CCDC170: variants seen among roughly 807,000 people sequenced by gnomAD.
The protein encoded by CCDC170 is coiled-coil domain-containing protein 170.
In CCDC170, 69 loss-of-function variants were observed where a neutral mutation model predicts 72.6. That is an observed-to-expected ratio of 0.95 (90% CI 0.78 to 1.16). The LOEUF (loss-of-function observed/expected upper bound fraction) is 1.16. CCDC170 is among the 50% of genes most tolerant of loss of function. The pLI is 0.00. For missense variants in CCDC170, 852 were observed against 832.5 expected (o/e 1.02, Z -0.29); for synonymous variants, 300 against 303.9 (o/e 0.99, Z 0.13).
intron 5 of CCDC170, among the ~76,000 whole-genome samples, chr6:151,559,089 T>C (rs1583026166): frequency 6.8e-6 from 1 of 147,720 alleles, no homozygotes; most frequent in Non-Finnish European, 1.5e-5. Context: ...CTTGGCTCAC[T>C]GCAACTTCCA....
intron 1 of CCDC170, among the ~76,000 whole-genome samples, chr6:151,513,919 CAAAAAA>C (rs58387477): frequency 0.022 from 1,141 of 51,204 alleles, 20 homozygotes; most frequent in African/African-American, 0.072. Flanking sequence ...GACCCTGTCT[CAAAAAA>C]AAAAAAAAAA....
chr6:151,532,136 A>T (rs890729605), intron 1 of CCDC170, among the ~76,000 whole-genome samples: 1 of 149,892 alleles, frequency 6.7e-6, no homozygotes, highest in Admixed American at 6.8e-5. Flanking sequence ...GCATGTTTAC[A>T]GTGCAAAACC....
intron 7 of CCDC170, among the ~76,000 whole-genome samples, chr6:151,591,643 C>T (rs141104106): frequency 1.1e-3 from 162 of 151,982 alleles, no homozygotes; most frequent in African/African-American, 3.6e-3. Context: ...TACAGGTGCC[C>T]GCCACCACGC....
chr6:151,497,952 CAAAAAA>C (rs59201906), intron 1 of CCDC170, among the ~76,000 whole-genome samples: 5 of 58,050 alleles, frequency 8.6e-5, no homozygotes, highest in African/African-American at 3.1e-4. Context: ...CACACCATCT[CAAAAAA>C]AAAAAAAAAA....
chr6:151,505,978 G>A (rs1028353837), intron 1 of CCDC170, among the ~76,000 whole-genome samples: 1 of 152,172 alleles, frequency 6.6e-6, no homozygotes, highest in Admixed American at 6.5e-5. Context: ...GTGTGTGCCT[G>A]TAGTTCCAGC....
In CCDC170 at chr6:151,536,299, T is replaced by C; in HGVS notation, c.58-19T>C. 6.2e-7 allele frequency: 1 copy of C among 1,612,026 alleles called. No individual in the cohort carries two copies. Among genetic ancestry groups the C allele is most frequent in the Non-Finnish European group, 8.5e-7 (1 of 1,178,196 alleles). On this transcript the variant is annotated intron_variant, in intron 1 of 10. Coordinates refer to ENST00000239374, the MANE Select transcript of CCDC170 (RefSeq NM_025059.4). The stretch of plus-strand genomic sequence containing the variant: ...TAACACTCTTCTTTATATTTTGTAT[T>C]TTGGGGGAATTCTACCAGGAAACTT...
At position 151,584,758 on chromosome 6, in the gene CCDC170, A is replaced by G. The variant is rs1776428675; in HGVS notation, c.1093-1131A>G. On this transcript the variant is annotated intron_variant, in intron 6 of 10. Transcript: ENST00000239374. ...GTTCTCAATATAGGCTCCGAGGGTAACTCAGAACAAATCCTTTTGTTCTCC... is the reference window on the plus strand; with the variant it reads ...GTTCTCAATATAGGCTCCGAGGGTAGCTCAGAACAAATCCTTTTGTTCTCC... Among the ~76,000 whole-genome samples, 3 of 152,328 alleles carry G rather than the reference A, an allele frequency of 2.0e-5. No homozygotes were observed. The South Asian group carries it at 6.2e-4, about 32-fold the overall frequency.
chr6:151,552,361 G>C (rs1405918240), intron 5 of CCDC170, among the ~76,000 whole-genome samples: 1 of 152,112 alleles, frequency 6.6e-6, no homozygotes, highest in African/African-American at 2.4e-5. Flanking sequence ...ATCATTATCA[G>C]GTTATTCCTG....
rs551194416 is a variant in CCDC170, at chr6:151,550,524, C to T, written c.774+2035C>T. Among the ~76,000 whole-genome samples, 17 of 152,286 alleles carry T rather than the reference C, an allele frequency of 1.1e-4. 1 individual carries two copies. In the South Asian group the frequency reaches 1.7e-3, roughly 15 times the overall value. Reference sequence around the variant, plus strand: ...TAATTCCCTGCATCAAAAGGCCCTTCGCACCACTAGCTTTATTCTCCTGAC... The same window carrying T: ...TAATTCCCTGCATCAAAAGGCCCTTTGCACCACTAGCTTTATTCTCCTGAC... On this transcript the variant is annotated intron_variant, in intron 5 of 10. Transcript: ENST00000239374.
In CCDC170 at chr6:151,610,439, A is replaced by C. The variant is rs1234411324; in HGVS notation, c.1711-5004A>C. On this transcript the variant is annotated intron_variant, in intron 9 of 10. Transcript: ENST00000239374. ...TTTACCCTTCACACAGATTGTTAAT[A>C]TTTTACTGATTACTATATTTTGCCT... is the stretch of plus-strand genomic sequence containing the variant. Among the ~76,000 whole-genome samples the C allele has an allele frequency of 3.9e-5, 6 of 152,284 alleles. No homozygotes were observed. The East Asian group carries it at 9.6e-4, about 24-fold the overall frequency.
intron 1 of CCDC170, among the ~76,000 whole-genome samples, chr6:151,525,554 C>T (rs1013551605): frequency 6.6e-6 from 1 of 152,134 alleles, no homozygotes; most frequent in Non-Finnish European, 1.5e-5. Flanking sequence ...TTCTCCCCAC[C>T]CTTGAGAATG....
At chr6:151,537,304 C>T (rs1782604628) in intron 2 of CCDC170, among the ~76,000 whole-genome samples, 1 of 152,278 alleles carries the variant, frequency 6.6e-6, no homozygotes, top group African/African-American at 2.4e-5. Flanking sequence ...CTCACTAAGG[C>T]TGCCAGGACC....
chr6:151,524,769 C>CTA (rs1782375329), intron 1 of CCDC170, among the ~76,000 whole-genome samples: 2 of 152,058 alleles, frequency 1.3e-5, no homozygotes, highest in African/African-American at 4.8e-5. Flanking sequence ...TTCAATGTGC[C>CTA]TATACACATT....
chr6:151,537,946 AAAG>A (rs1301721794), intron 2 of CCDC170, 96 bp from the exon 3 acceptor site: 3 of 1,192,078 alleles, frequency 2.5e-6, no homozygotes, highest in Non-Finnish European at 3.5e-6. Flanking sequence ...GTCATGAATA[AAAG>A]AGTGAACATT....
At position 151,609,557 on chromosome 6, in the gene CCDC170, C is replaced by T. The variant is rs77550803; in HGVS notation, c.1711-5886C>T. ...ATACAGTGTTTATGACAGCAAAGCA[C>T]ACTTGGAACCTTCTCTGCCCTTGCT... On this transcript the variant is annotated intron_variant, in intron 9 of 10. Coordinates refer to ENST00000239374, the MANE Select transcript of CCDC170 (RefSeq NM_025059.4). 8.7e-4 allele frequency among the ~76,000 whole-genome samples: 133 copies of T among 152,340 alleles called. 1 individual carries two copies. Among genetic ancestry groups the T allele is most frequent in the African/African-American group, 2.9e-3 (119 of 41,586 alleles).
chr6:151,584,119 C>G (rs748100830), intron 6 of CCDC170, among the ~76,000 whole-genome samples: 1 of 152,170 alleles, frequency 6.6e-6, no homozygotes, highest in Non-Finnish European at 1.5e-5. Flanking sequence ...TTGCTCAATG[C>G]AGGGTTACCA....
intron 10 of CCDC170, among the ~76,000 whole-genome samples, chr6:151,617,635 A>G (rs1776991389): frequency 6.6e-6 from 1 of 151,936 alleles, no homozygotes; most frequent in African/African-American, 2.4e-5. Flanking sequence ...CAACCTGGAG[A>G]TGAGAAAATG....
At chr6:151,616,243 G>C (rs1776965894) in intron 10 of CCDC170, among the ~76,000 whole-genome samples, 1 of 152,096 alleles carries the variant, frequency 6.6e-6, no homozygotes, top group Non-Finnish European at 1.5e-5. Flanking sequence ...ATCTCAAACA[G>C]TGGCACCCAG....
intron 3 of CCDC170, among the ~76,000 whole-genome samples, chr6:151,541,783 G>C (rs888227591): frequency 2.0e-5 from 3 of 146,628 alleles, no homozygotes; most frequent in Non-Finnish European, 3.0e-5. Context: ...TTTAGGTAGT[G>C]TACTATTTTT....
Sources: gnomAD v4.1 joint callset for allele counts (sites outside exome capture counted in the v4.1 genomes callset) on GRCh38, gnomAD v4.1.1 for gene constraint, MANE v1.5 for transcripts, NCBI Gene and HGNC (gene_info 2026-07-23, HGNC 2026-07-21) for gene names.